The following SCRN3 variants were observed in gnomAD, a reference collection of about 807,000 sequenced individuals.
The protein encoded by SCRN3 is secernin 3.
In SCRN3, 39 loss-of-function variants were observed where a neutral mutation model predicts 43.1. The ratio of observed to expected loss-of-function variants is 0.91; its 90% CI spans 0.70 to 1.18. The LOEUF is 1.18. SCRN3 is among the 50% of genes most tolerant of loss of function. The probability of loss-of-function intolerance (pLI) is 0.00; values close to 1 mark genes in which losing one functional copy is unlikely to be tolerated. For missense variants in SCRN3, 484 were observed against 498.0 expected (o/e 0.97, Z 0.27); for synonymous variants, 147 against 163.1 (o/e 0.90, Z 0.75).
At chr2:174,400,312 G>A (rs1685463213) in intron 3 of SCRN3, among the ~76,000 whole-genome samples, 1 of 151,712 alleles carries the variant, frequency 6.6e-6, no homozygotes. Context: ...TTTGAGATGA[G>A]ATCTCACTGT....
chr2:174,401,317 A>T, intron 4 of SCRN3, 128 bp downstream of exon 4: 1 of 696,598 alleles, frequency 1.4e-6, no homozygotes, highest in Non-Finnish European at 2.3e-6. Flanking sequence ...ACTGCAAGGG[A>T]AATTTAAAAA....
intron 6 of SCRN3, 41 bp from the exon 7 acceptor site, chr2:174,424,434 A>C: frequency 7.4e-7 from 1 of 1,347,032 alleles, no homozygotes; most frequent in Non-Finnish European, 1.0e-6. Context: ...GAATATTTTT[A>C]TATATTGACA....
intron 5 of SCRN3, among the ~76,000 whole-genome samples, chr2:174,414,054 T>C (rs1686020065): frequency 1.3e-5 from 2 of 152,190 alleles, no homozygotes; most frequent in Admixed American, 1.3e-4. Flanking sequence ...TCATTCTGTC[T>C]CCCAACTTTC....
intron 1 of SCRN3, among the ~76,000 whole-genome samples, chr2:174,397,774 C>T (rs1333366428): frequency 4.6e-5 from 7 of 152,214 alleles, no homozygotes; most frequent in Non-Finnish European, 8.8e-5. Flanking sequence ...GCTAGGTACA[C>T]GGATTCCCAA....
Position 174,424,638 on chromosome 2 carries a change from A to C in SCRN3, c.1081A>C (p.Asn361His). The C allele has an allele frequency of 5.6e-6, 9 of 1,609,904 alleles. No individual in the cohort carries two copies. The highest frequency in any genetic ancestry group is 7.6e-6 in the Non-Finnish European group (9 of 1,177,190). The change falls in exon 7 of 8, where the codon AAT becomes CAT. Residue 361 changes from asparagine (N) to histidine (H), a missense_variant. Transcript: ENST00000272732. ...QKHQQALEVV[N>H]NNEEKAKIML... is the part of the protein sequence containing the mutation. ...ACATCAACAGGCATTGGAAGTAGTA[A>C]ATAATAATGAGGTATGCTAGATTAT...
chr2:174,410,545 A>G (rs934318507), intron 5 of SCRN3: 2 of 152,204 alleles, frequency 1.3e-5, no homozygotes. Context: ...ATTCTTTTGA[A>G]GGTCAAGTTC....
At chr2:174,419,419 G>C (rs1332887152) in intron 5 of SCRN3, among the ~76,000 whole-genome samples, 2 of 152,152 alleles carry the variant, frequency 1.3e-5, no homozygotes, top group East Asian at 3.9e-4. Flanking sequence ...TTGCACTGTC[G>C]CCCAGGCTGG....
rs1241132943 is a variant in SCRN3 at position 174,409,848 on chromosome 2, A to C, written c.754+5533A>C. On this transcript the variant is annotated intron_variant, in intron 5 of 7. Transcript: ENST00000272732. ...TCTCCAGCTGCGTGCTGGGAGAACCACTGCTCTCTTCAAAGCTGTCAGACA... is the reference window on the plus strand; with the variant it reads ...TCTCCAGCTGCGTGCTGGGAGAACCCCTGCTCTCTTCAAAGCTGTCAGACA... Among the ~76,000 whole-genome samples, 2 of 141,642 alleles carry C rather than the reference A, an allele frequency of 1.4e-5. 1 individual carries two copies. Among genetic ancestry groups the C allele is most frequent in the Non-Finnish European group, 3.2e-5 (2 of 62,522 alleles). The allele number at this position is 141,642 out of a possible 152,430, so 92.9% of individuals were successfully genotyped here. A position where few individuals can be genotyped will look rare whatever the true frequency, so the allele number is the denominator to read the frequency against.
chr2:174,399,587 AATACTTT>A (rs942191801), intron 2 of SCRN3, among the ~76,000 whole-genome samples: 2 of 152,200 alleles, frequency 1.3e-5, no homozygotes, highest in African/African-American at 4.8e-5. Context: ...TCATGACCCT[AATACTTT>A]ATACTTTATT....
Position 174,424,461 on chromosome 2 carries a change from ACT to A in SCRN3, c.918-11_918-10del, listed in dbSNP as rs373740225. The stretch of plus-strand genomic sequence containing the variant: ...ATATTGACATGATAATTTAATAAAG[ACT>A]CTTTTTTCTAGATCTGTTTTTAAGC... On this transcript the variant is annotated splice_polypyrimidine_tract_variant and intron_variant, in intron 6 of 7. Coordinates refer to ENST00000272732, the MANE Select transcript of SCRN3 (RefSeq NM_024583.5). 26 of 1,531,558 alleles carry A rather than the reference ACT, an allele frequency of 1.7e-5. No individual in the cohort carries two copies. The East Asian group carries it at 2.9e-4, about 17-fold the overall frequency. 94.9% of individuals were successfully genotyped at this position (1,531,558 alleles called of 1,614,324 possible).
intron 4 of SCRN3, among the ~76,000 whole-genome samples, chr2:174,401,880 C>T (rs1247976376): frequency 6.6e-6 from 1 of 152,032 alleles, no homozygotes; most frequent in Non-Finnish European, 1.5e-5. Context: ...CTTCTGGACT[C>T]CTAGTTTACT....
chr2:174,412,907 GC>G (rs1685975626), intron 5 of SCRN3, among the ~76,000 whole-genome samples: 1 of 90,172 alleles, frequency 1.1e-5, no homozygotes, highest in African/African-American at 4.3e-5. Context: ...CACTCTTGTT[GC>G]CCAGGCTGGA....
intron 1 of SCRN3, chr2:174,396,221 C>T: frequency 1.1e-6 from 1 of 907,770 alleles, no homozygotes; most frequent in Non-Finnish European, 1.3e-6. Flanking sequence ...TATTTTGTAC[C>T]CAGCTGTACG....
intron 5 of SCRN3, among the ~76,000 whole-genome samples, chr2:174,412,891 G>GTTTTTT: frequency 7.5e-6 from 1 of 133,242 alleles, no homozygotes; most frequent in Non-Finnish European, 1.6e-5. Context: ...TTTTGAGATG[G>GTTTTTT]GGTTTCACTC....
chr2:174,397,137 G>A (rs1396821775), intron 1 of SCRN3: 4 of 979,932 alleles, frequency 4.1e-6, no homozygotes, highest in Non-Finnish European at 4.8e-6. Flanking sequence ...TCTCGTCACT[G>A]AGGAGAAGAG....
At chr2:174,426,010 T>C (rs907414738) in intron 7 of SCRN3, among the ~76,000 whole-genome samples, 1 of 152,234 alleles carries the variant, frequency 6.6e-6, no homozygotes, top group Admixed American at 6.5e-5. Context: ...TTTTGTTTTT[T>C]GGTTTAAATA....
At chr2:174,398,489 CAT>C in intron 2 of SCRN3, 47 bp downstream of exon 2, 1 of 1,503,822 alleles carries the variant, frequency 6.6e-7, no homozygotes, top group Non-Finnish European at 8.9e-7. Flanking sequence ...TTAAAAATAT[CAT>C]AAAGTTATTT....
intron 5 of SCRN3, among the ~76,000 whole-genome samples, chr2:174,414,314 C>T (rs1463681591): frequency 6.6e-6 from 1 of 152,192 alleles, no homozygotes; most frequent in East Asian, 1.9e-4. Flanking sequence ...AATGAAGTCT[C>T]TCTTTCCTAC....
chr2:174,403,358 G>A (rs1234189549), intron 4 of SCRN3, among the ~76,000 whole-genome samples: 1 of 150,914 alleles, frequency 6.6e-6, no homozygotes, highest in Non-Finnish European at 1.5e-5. Context: ...CTGTACTCCT[G>A]TGCATTTATC....
Sources: allele counts gnomAD v4.1 joint callset (sites outside exome capture counted in the v4.1 genomes callset), GRCh38; gene constraint gnomAD v4.1.1; transcripts MANE v1.5; gene names NCBI Gene and HGNC (gene_info 2026-07-23, HGNC 2026-07-21).